TRPM3: variants seen among roughly 807,000 people sequenced by gnomAD.
TRPM3 encodes the protein long transient receptor potential channel 3.
Under a neutral mutation model 181.2 loss-of-function variants are expected in TRPM3, and 77 were observed. The ratio of observed to expected loss-of-function variants is 0.42; its 90% CI spans 0.35 to 0.51. The LOEUF (loss-of-function observed/expected upper bound fraction) is 0.51, where lower values mean the gene tolerates loss of function less well. Ranked by LOEUF, TRPM3 falls within the 20% of genes least tolerant of loss-of-function variation. The probability of loss-of-function intolerance (pLI) is 0.01; values close to 1 mark genes in which losing one functional copy is unlikely to be tolerated. For missense variants in TRPM3, 1,759 were observed against 2,196.7 expected, an observed-to-expected ratio of 0.80 and a Z score of 3.98; for synonymous variants, 745 against 796.4, an observed-to-expected ratio of 0.94 and a Z score of 1.09.
intron 1 of TRPM3, among the ~76,000 whole-genome samples, chr9:71,425,159 C>A (rs1454772947): frequency 2.6e-5 from 4 of 152,098 alleles, no homozygotes; most frequent in African/African-American, 9.7e-5. Flanking sequence ...ATCCACAAGG[C>A]TCTTTCCTAG....
chr9:71,073,027 T>A (rs1471845863), intron 1 of TRPM3, among the ~76,000 whole-genome samples: 1 of 152,216 alleles, frequency 6.6e-6, no homozygotes. Context: ...CCCCTTCCTT[T>A]AAAACAGTTT....
chr9:70,554,839 T>C (rs1439795639), intron 22 of TRPM3, among the ~76,000 whole-genome samples: 1 of 152,232 alleles, frequency 6.6e-6, no homozygotes, highest in Admixed American at 6.5e-5. Flanking sequence ...CCTTTAGTTC[T>C]GCCTGCCAAG....
chr9:70,904,627 C>T (rs2096436078), intron 1 of TRPM3, among the ~76,000 whole-genome samples: 1 of 152,126 alleles, frequency 6.6e-6, no homozygotes, highest in South Asian at 2.1e-4. Flanking sequence ...ATACAGACCC[C>T]GATGGCCACA....
intron 7 of TRPM3, among the ~76,000 whole-genome samples, chr9:70,763,865 C>T (rs1256584505): frequency 2.0e-5 from 3 of 152,134 alleles, no homozygotes; most frequent in African/African-American, 7.2e-5. Context: ...TCAGGGAAGA[C>T]TCTTCTGAGG....
intron 8 of TRPM3, among the ~76,000 whole-genome samples, chr9:70,751,724 A>T (rs2076161827): frequency 1.3e-5 from 2 of 152,142 alleles, no homozygotes; most frequent in South Asian, 4.1e-4. Context: ...CAAGAAATGT[A>T]CATTTTCTAG....
At chr9:70,692,066 T>C (rs2134459950) in intron 8 of TRPM3, among the ~76,000 whole-genome samples, 1 of 152,318 alleles carries the variant, frequency 6.6e-6, no homozygotes, top group Non-Finnish European at 1.5e-5. Flanking sequence ...CTTGCGGGGC[T>C]TTCTTTTTTC....
chr9:70,960,971 T>G (rs1256428063), intron 1 of TRPM3, among the ~76,000 whole-genome samples: 7 of 152,192 alleles, frequency 4.6e-5, no homozygotes, highest in African/African-American at 1.7e-4. Flanking sequence ...GACAGAATAA[T>G]GCCTGTACAG....
At chr9:71,056,622 GC>G (rs2060690049) in intron 1 of TRPM3, among the ~76,000 whole-genome samples, 1 of 151,940 alleles carries the variant, frequency 6.6e-6, no homozygotes, top group Admixed American at 6.6e-5. Context: ...TTCAGTGTGA[GC>G]CCTAAACCAA....
chr9:71,209,503 G>C (rs568675214), intron 1 of TRPM3, among the ~76,000 whole-genome samples: 1 of 152,236 alleles, frequency 6.6e-6, no homozygotes, highest in African/African-American at 2.4e-5. Flanking sequence ...ACAATACCAG[G>C]TATTGGAGCC....
At chr9:70,998,214 C>CAT (rs761580578) in intron 1 of TRPM3, among the ~76,000 whole-genome samples, 3 of 140,310 alleles carry the variant, frequency 2.1e-5, no homozygotes, top group South Asian at 2.3e-4. Flanking sequence ...TATATATACA[C>CAT]ATATATATAC....
intron 1 of TRPM3, among the ~76,000 whole-genome samples, chr9:70,898,656 G>A (rs1327269044): frequency 6.7e-6 from 1 of 148,578 alleles, no homozygotes; most frequent in Non-Finnish European, 1.5e-5. Context: ...GCTGAGGCAG[G>A]AGAATCTCTT....
At chr9:70,797,282 AT>A (rs2087360552) in intron 6 of TRPM3, among the ~76,000 whole-genome samples, 5 of 152,214 alleles carry the variant, frequency 3.3e-5, no homozygotes, top group Admixed American at 3.3e-4. Flanking sequence ...GAAATCAGGA[AT>A]TATACCAAAT....
At chr9:70,701,917 A>G (rs1038628774) in intron 8 of TRPM3, among the ~76,000 whole-genome samples, 11 of 147,014 alleles carry the variant, frequency 7.5e-5, no homozygotes, top group Non-Finnish European at 1.2e-4. Context: ...TAGGGATAAC[A>G]CAGATTTAAA....
intron 1 of TRPM3, among the ~76,000 whole-genome samples, chr9:70,900,099 A>G (rs1243504249): frequency 1.3e-5 from 2 of 152,246 alleles, no homozygotes; most frequent in Non-Finnish European, 2.9e-5. Context: ...TTCCAAGTAT[A>G]AGAATCATAA....
At chr9:70,927,388 T>G (rs1001479062) in intron 1 of TRPM3, among the ~76,000 whole-genome samples, 5 of 152,324 alleles carry the variant, frequency 3.3e-5, no homozygotes, top group East Asian at 1.9e-4. Context: ...GAAGCTACTG[T>G]CAGACAGCTA....
chr9:71,134,010 T>TGC (rs1292858933), intron 1 of TRPM3, among the ~76,000 whole-genome samples: 980 of 87,878 alleles, frequency 0.011, 6 homozygotes, highest in Non-Finnish European at 0.018. Context: ...TGTGTGTGTG[T>TGC]GTGTGCGCGT....
chr9:71,346,132 C>T (rs995694314), intron 1 of TRPM3, among the ~76,000 whole-genome samples: 1 of 152,038 alleles, frequency 6.6e-6, no homozygotes, highest in Non-Finnish European at 1.5e-5. Context: ...CAATTTCTAC[C>T]AACAGATATG....
chr9:71,442,046 T>G (rs938914344), intron 1 of TRPM3, among the ~76,000 whole-genome samples: 1 of 152,214 alleles, frequency 6.6e-6, no homozygotes, highest in Non-Finnish European at 1.5e-5. Context: ...GGTTTGTTTG[T>G]GGATCCCTCC....
Position 70,625,628 on chromosome 9 carries a change from G to A in TRPM3, c.1633-111C>T, listed in dbSNP as rs1268600457. 2 of 1,122,056 alleles carry A rather than the reference G, an allele frequency of 1.8e-6. No individual in the cohort carries two copies. Among genetic ancestry groups the A allele is most frequent in the African/African-American group, 1.6e-5 (1 of 63,250 alleles). The allele number at this position is 1,122,056 out of a possible 1,614,324, so 69.5% of individuals were successfully genotyped here. On this transcript the variant is annotated intron_variant, in intron 12 of 25. Transcript: ENST00000677713. The surrounding 1 kb of genome is among the most constrained non-coding windows in gnomAD (Gnocchi z 4.8). ...CTGGGGAGAAAAAAACACCAGTGTA[G>A]AAGAAAGAAACACAAGGCTAGACAG...
Sources: allele counts gnomAD v4.1 joint callset (sites outside exome capture counted in the v4.1 genomes callset), GRCh38; gene constraint gnomAD v4.1.1; non-coding constraint Gnocchi (gnomAD v3.1); transcripts MANE v1.5; gene names NCBI Gene and HGNC (gene_info 2026-07-23, HGNC 2026-07-21).